Variants in BRDT observed in about 807,000 individuals in gnomAD.
BRDT encodes the protein bromodomain testis associated.
A neutral mutation model predicts 113.9 loss-of-function variants in BRDT; 77 were observed. The observed-to-expected ratio is 0.68, with a 90% CI of 0.56 to 0.82. The LOEUF (loss-of-function observed/expected upper bound fraction) is 0.82. BRDT is among the 40% of genes least tolerant of loss of function. BRDT has a pLI of 0.00. For synonymous variants in BRDT, 358 were observed against 366.5 expected, an observed-to-expected ratio of 0.98 and a Z score of 0.26; for missense variants, 1,027 against 1,105.4, an observed-to-expected ratio of 0.93 and a Z score of 1.01.
chr1:92,005,175 G>T lies in BRDT; in HGVS notation c.2651G>T (p.Cys884Phe), dbSNP rs747652906. ...ESFSNKIQNK[C>F]SGEEQKEHQQ... is the part of the protein sequence containing the mutation. ...TTTTCAAATAAAATACAAAACAAGT[G>T]CTCTGGAGAAGAGCAGAAAGAACAT... Residue 884 changes from cysteine (C) to phenylalanine (F), a missense_variant, in exon 18 of 19, where the codon TGC (cysteine) becomes TTC (phenylalanine). Physicochemically the swap from Cys to Phe is radical, Grantham distance 205. Transcript: ENST00000399546. 5 of 1,562,454 alleles carry T rather than the reference G, an allele frequency of 3.2e-6. No individual in the cohort carries two copies. In the South Asian group the frequency reaches 6.1e-5, roughly 19 times the overall value.
intron 12 of BRDT, among the ~76,000 whole-genome samples, chr1:91,990,964 A>G (rs1685698513): frequency 6.6e-6 from 1 of 151,880 alleles, no homozygotes; most frequent in Non-Finnish European, 1.5e-5. Flanking sequence ...CACCGTGCTA[A>G]TTTTTTGTAT....
At chr1:91,978,413 G>A (rs1684362036) in intron 7 of BRDT, 117 bp downstream of exon 7, 4 of 1,155,308 alleles carry the variant, frequency 3.5e-6, no homozygotes, top group Non-Finnish European at 4.8e-6. Flanking sequence ...AGTATTAAAT[G>A]GCAAAAACCA....
chr1:91,956,840 G>A (rs1194620229), intron 1 of BRDT, among the ~76,000 whole-genome samples: 1 of 152,176 alleles, frequency 6.6e-6, no homozygotes, highest in South Asian at 2.1e-4. Context: ...TCAGGAAACT[G>A]AGGGAGGAGG....
At chr1:92,013,877 T>G (rs574370921) in intron 18 of BRDT, among the ~76,000 whole-genome samples, 1 of 152,334 alleles carries the variant, frequency 6.6e-6, no homozygotes, top group East Asian at 1.9e-4. Context: ...CAGTGTGCTC[T>G]CAGCGTTCAT....
At chr1:91,993,484 A>T (rs1474184121) in intron 14 of BRDT, among the ~76,000 whole-genome samples, 11 of 152,170 alleles carry the variant, frequency 7.2e-5, no homozygotes, top group African/African-American at 2.7e-4. Flanking sequence ...ATTAAAGAAA[A>T]ACCATATAAA....
rs777405645 is a variant in BRDT, at chr1:91,962,779, G to C, written c.25G>C (p.Ala9Pro). 7.5e-6 allele frequency: 12 copies of C among 1,599,606 alleles called. No homozygotes were observed. The highest frequency in any genetic ancestry group is 2.3e-5 in the South Asian group (2 of 87,838). ...AATGTCTCTGCCAAGTCGACAAACA[G>C]CTATTATTGTTAACCCTCCTCCACC... MSLPSRQTAIIVNPPPPEY... is the reference protein window; with the variant it reads MSLPSRQTPIIVNPPPPEY... Residue 9 changes from alanine (A) to proline (P), a missense_variant, in exon 2 of 19, where the codon GCT becomes CCT. By Grantham distance (27) the Ala-to-Pro change is conservative. Coordinates refer to ENST00000399546, the MANE Select transcript of BRDT (RefSeq NM_207189.4).
chr1:91,987,326 GT>G (rs554124834), intron 12 of BRDT, among the ~76,000 whole-genome samples: 1 of 151,754 alleles, frequency 6.6e-6, no homozygotes, highest in African/African-American at 2.4e-5. Flanking sequence ...ATCATATTCT[GT>G]TTTTTTGTTT....
intron 14 of BRDT, among the ~76,000 whole-genome samples, 187 bp downstream of exon 14, chr1:91,992,501 G>T (rs1685890164): frequency 6.6e-6 from 1 of 151,630 alleles, no homozygotes; most frequent in Non-Finnish European, 1.5e-5. Context: ...TATATAACAG[G>T]GCTTTGGACA....
At chr1:91,992,902 TA>T (rs148344905) in intron 14 of BRDT, among the ~76,000 whole-genome samples, 1 of 152,114 alleles carries the variant, frequency 6.6e-6, no homozygotes. Flanking sequence ...ATTAGTGGAA[TA>T]AAAAATTATG....
intron 12 of BRDT, among the ~76,000 whole-genome samples, chr1:91,988,086 A>T (rs1470133443): frequency 2.0e-5 from 3 of 151,866 alleles, no homozygotes; most frequent in Non-Finnish European, 4.4e-5. Context: ...TGACCTGGTG[A>T]TCCACCCACC....
intron 2 of BRDT, among the ~76,000 whole-genome samples, chr1:91,963,787 G>A (rs1478984522): frequency 1.2e-5 from 1 of 81,110 alleles, no homozygotes; most frequent in Non-Finnish European, 2.4e-5. Flanking sequence ...ATCTTTATTG[G>A]CTTTTTTTTT....
In BRDT at chr1:91,975,806, A is replaced by C. The variant is rs114706031; in HGVS notation, c.446-460A>C. On this transcript the variant is annotated intron_variant, in intron 4 of 18. Transcript: ENST00000399546. ...AACGTGACAATTGTTCCTTTGGCAG[A>C]ATTTTCTGAAGAAGGTATTGATAAG... Among the ~76,000 whole-genome samples, 486 of 152,352 alleles carry C rather than the reference A, an allele frequency of 3.2e-3. 5 individuals carry two copies. Among genetic ancestry groups the C allele is most frequent in the African/African-American group, 0.011 (472 of 41,586 alleles).
At chr1:91,955,760 C>G (rs1030390331) in intron 1 of BRDT, among the ~76,000 whole-genome samples, 7 of 152,144 alleles carry the variant, frequency 4.6e-5, no homozygotes, top group African/African-American at 2.4e-5. Context: ...GTGAGCTTCA[C>G]TTCACATTAG....
Position 91,991,208 on chromosome 1 carries a change from TA to T in BRDT, c.2031del (p.Lys677AsnfsTer11). On this transcript the variant is annotated frameshift_variant, in exon 13 of 19. Coordinates refer to ENST00000399546, the MANE Select transcript of BRDT (RefSeq NM_207189.4). LOFTEE classifies it high-confidence loss of function. ...ESEMFPKFTE[V>X]KPNDSPSKEN... ...GAAATGTTCCCTAAGTTTACAGAAG[TA>T]AAACCAAATGATTCTCCTTCTAAAG... 3 of 1,545,488 alleles carry T rather than the reference TA, an allele frequency of 1.9e-6. No individual in the cohort carries two copies. Among genetic ancestry groups the T allele is most frequent in the South Asian group, 1.2e-5 (1 of 85,612 alleles).
At chr1:92,003,193 G>A (rs1197821792) in intron 16 of BRDT, among the ~76,000 whole-genome samples, 4 of 152,190 alleles carry the variant, frequency 2.6e-5, no homozygotes, top group Non-Finnish European at 5.9e-5. Flanking sequence ...TGGGGACAGG[G>A]AGGGATGTTT....
intron 18 of BRDT, among the ~76,000 whole-genome samples, chr1:92,007,755 A>G (rs1687455203): frequency 1.3e-5 from 2 of 152,204 alleles, no homozygotes; most frequent in African/African-American, 4.8e-5. Context: ...TACAACAGTT[A>G]CTTCCATTCC....
intron 18 of BRDT, among the ~76,000 whole-genome samples, chr1:92,007,920 C>A (rs573733309): frequency 6.6e-6 from 1 of 151,134 alleles, no homozygotes; most frequent in South Asian, 2.1e-4. Context: ...TTCATTCATT[C>A]ATTCGTTTAT....
chr1:91,977,133 G>A lies in BRDT; in HGVS notation c.709G>A (p.Glu237Lys). ...ASSEFSPTFT[E>K]KSVALPPIKE... Reference sequence around the variant, plus strand: ...TAGTGAATTTTCTCCAACATTCACAGAAAAATCAGTGGCACTGCCACCTAT... The same window carrying A: ...TAGTGAATTTTCTCCAACATTCACAAAAAAATCAGTGGCACTGCCACCTAT... The change falls in exon 6 of 19, where the codon GAA (glutamate) becomes AAA (lysine). Residue 237 changes from glutamate (E) to lysine (K), a missense_variant. Transcript: ENST00000399546. 1 of 1,613,832 alleles carries A rather than the reference G, an allele frequency of 6.2e-7. No individual in the cohort carries two copies.
rs541722879 is a variant in BRDT, at chr1:91,991,775, G to A, written c.2065-489G>A. On this transcript the variant is annotated intron_variant, in intron 13 of 18. Transcript: ENST00000399546. ...TGGGAGGCCGAGGCGGGCAGATCATGAAGTCAGGAGATCGAGACCATCCTG... is the reference window on the plus strand; with the variant it reads ...TGGGAGGCCGAGGCGGGCAGATCATAAAGTCAGGAGATCGAGACCATCCTG... Among the ~76,000 whole-genome samples the A allele has an allele frequency of 1.7e-3, 259 of 152,152 alleles. 1 individual carries two copies. The highest frequency in any genetic ancestry group is 3.5e-3 in the South Asian group (17 of 4,826).
Sources: gnomAD v4.1 joint callset for allele counts (sites outside exome capture counted in the v4.1 genomes callset) on GRCh38, gnomAD v4.1.1 for gene constraint, MANE v1.5 for transcripts, NCBI Gene and HGNC (gene_info 2026-07-23, HGNC 2026-07-21) for gene names.